The following CENPP variants were observed in gnomAD, a reference collection of about 807,000 sequenced individuals.
CENPP encodes centromere protein P.
Under a neutral mutation model 35.6 loss-of-function variants are expected in CENPP, and 24 were observed. That is an observed-to-expected ratio of 0.67 (90% CI 0.49 to 0.95). CENPP has a LOEUF of 0.95. CENPP is among the 40% of genes least tolerant of loss of function. The pLI is 0.00. For missense variants in CENPP, 332 were observed against 345.3 expected (o/e 0.96, Z 0.31); for synonymous variants, 120 against 125.5 (o/e 0.96, Z 0.29).
At chr9:92,385,937 G>A in intron 5 of CENPP, 1 of 732,868 alleles carries the variant, frequency 1.4e-6, no homozygotes, top group South Asian at 1.8e-5. Context: ...ATACTCAAAT[G>A]TACACCTGGA....
intron 5 of CENPP, among the ~76,000 whole-genome samples, chr9:92,402,518 CTT>C: frequency 6.6e-6 from 1 of 152,222 alleles, no homozygotes; most frequent in South Asian, 2.1e-4. Context: ...GCTGTATTAA[CTT>C]TTTCCTTACC....
At chr9:92,430,719 T>C (rs10733744) in intron 5 of CENPP, among the ~76,000 whole-genome samples, 137,154 of 152,244 alleles carry the variant, frequency 0.9, 62,024 homozygotes, top group African/African-American at 0.98. Context: ...CTGCATTTGC[T>C]GAAAAATTCT....
intron 4 of CENPP, among the ~76,000 whole-genome samples, chr9:92,355,742 A>G (rs1222426609): frequency 6.6e-6 from 1 of 152,248 alleles, no homozygotes; most frequent in South Asian, 2.1e-4. Context: ...AATATTTCAT[A>G]AATACTGTAA....
At chr9:92,373,618 G>A (rs935324691) in intron 4 of CENPP, among the ~76,000 whole-genome samples, 1 of 152,098 alleles carries the variant, frequency 6.6e-6, no homozygotes, top group Admixed American at 6.5e-5. Context: ...ATGAGGTCAA[G>A]AGATCAAGAC....
intron 5 of CENPP, among the ~76,000 whole-genome samples, chr9:92,504,338 A>G (rs1846863563): frequency 6.6e-6 from 1 of 152,186 alleles, no homozygotes; most frequent in African/African-American, 2.4e-5. Context: ...GGTAGCCATG[A>G]CAGCCACATA....
intron 5 of CENPP, chr9:92,460,545 C>T: frequency 6.3e-7 from 1 of 1,595,162 alleles, no homozygotes; most frequent in South Asian, 1.1e-5. Context: ...CTAAGTGAAG[C>T]TCCAATAAAG....
At chr9:92,356,243 C>T (rs577349325) in intron 4 of CENPP, among the ~76,000 whole-genome samples, 1 of 152,312 alleles carries the variant, frequency 6.6e-6, no homozygotes, top group South Asian at 2.1e-4. Flanking sequence ...TCTCTTTCTC[C>T]AAAGGCAGCC....
chr9:92,343,098 C>G (rs1841173228), intron 3 of CENPP, among the ~76,000 whole-genome samples: 1 of 151,928 alleles, frequency 6.6e-6, no homozygotes, highest in Non-Finnish European at 1.5e-5. Flanking sequence ...ATAGTAAAAC[C>G]CTCAATTTAC....
intron 5 of CENPP, among the ~76,000 whole-genome samples, chr9:92,522,136 G>T (rs1398249280): frequency 6.6e-6 from 1 of 152,066 alleles, no homozygotes; most frequent in African/African-American, 2.4e-5. Flanking sequence ...GCCCAGGCTG[G>T]AGTGCAGTGG....
In CENPP at chr9:92,352,538, T is replaced by TATATATATATATAA. The variant is rs1464334295; in HGVS notation, c.467+6752_467+6753insTATATATATATAAA. On this transcript the variant is annotated intron_variant, in intron 4 of 7. Coordinates refer to ENST00000375587, the MANE Select transcript of CENPP (RefSeq NM_001012267.3). The stretch of plus-strand genomic sequence containing the variant: ...ATATATATATATATATATATATATA[T>TATATATATATATAA]AATATAACGGGGAGTTTATTAAATA... Among the ~76,000 whole-genome samples the TATATATATATATAA allele has an allele frequency of 1.4e-3, 159 of 114,414 alleles. 1 individual carries two copies. The highest frequency in any genetic ancestry group is 2.2e-3 in the Non-Finnish European group (127 of 58,248). The allele number at this position is 114,414 out of a possible 152,430, so 75.1% of individuals were successfully genotyped here. A position where few individuals can be genotyped will look rare whatever the true frequency, so the allele number is the denominator to read the frequency against.
chr9:92,420,242 A>G (rs1466371996), intron 5 of CENPP, among the ~76,000 whole-genome samples: 2 of 152,118 alleles, frequency 1.3e-5, no homozygotes, highest in Non-Finnish European at 2.9e-5. Flanking sequence ...GTGGAACCTC[A>G]GCTATATTGA....
At chr9:92,539,439 T>C (rs982757470) in intron 5 of CENPP, among the ~76,000 whole-genome samples, 1 of 150,158 alleles carries the variant, frequency 6.7e-6, no homozygotes, top group Non-Finnish European at 1.5e-5. Context: ...TTTTATGGGT[T>C]TGAGTCCCAT....
intron 4 of CENPP, among the ~76,000 whole-genome samples, chr9:92,362,765 T>C: frequency 6.6e-6 from 1 of 152,234 alleles, no homozygotes; most frequent in Middle Eastern, 3.2e-3. Context: ...TTTTCAACTC[T>C]AGCACTTCCT....
intron 5 of CENPP, among the ~76,000 whole-genome samples, chr9:92,469,379 G>T (rs1389376257): frequency 6.6e-6 from 1 of 152,124 alleles, no homozygotes; most frequent in Non-Finnish European, 1.5e-5. Context: ...TGCAAGGATT[G>T]AGCATCCCTC....
chr9:92,440,552 A>T (rs1481391797), intron 5 of CENPP, among the ~76,000 whole-genome samples: 1 of 152,250 alleles, frequency 6.6e-6, no homozygotes, highest in East Asian at 1.9e-4. Flanking sequence ...TCTCAACTTA[A>T]TAAGGAAAGA....
At chr9:92,438,685 G>T (rs902286341) in intron 5 of CENPP, among the ~76,000 whole-genome samples, 4 of 152,220 alleles carry the variant, frequency 2.6e-5, no homozygotes, top group Non-Finnish European at 5.9e-5. Flanking sequence ...GGGTGTGGTG[G>T]TTCTTGCCTG....
At chr9:92,369,129 C>A (rs1841952987) in intron 4 of CENPP, among the ~76,000 whole-genome samples, 1 of 152,164 alleles carries the variant, frequency 6.6e-6, no homozygotes, top group South Asian at 2.1e-4. Context: ...GATGAAGAGA[C>A]AATTGCCATT....
intron 5 of CENPP, among the ~76,000 whole-genome samples, chr9:92,609,655 G>A (rs957976877): frequency 3.9e-5 from 6 of 152,318 alleles, no homozygotes; most frequent in East Asian, 1.9e-4. Context: ...CATCTCAGGC[G>A]GAGCCTACCG....
chr9:92,416,093 TA>T (rs1843599283), intron 5 of CENPP, among the ~76,000 whole-genome samples: 1 of 142,292 alleles, frequency 7.0e-6, no homozygotes, highest in African/African-American at 2.5e-5. Context: ...TTTATTTATT[TA>T]TTTATTTTAT....
Sources: allele counts gnomAD v4.1 joint callset (sites outside exome capture counted in the v4.1 genomes callset), GRCh38; gene constraint gnomAD v4.1.1; transcripts MANE v1.5; gene names NCBI Gene and HGNC (gene_info 2026-07-23, HGNC 2026-07-21).